NCOR2: variants seen among roughly 807,000 people sequenced by gnomAD.
NCOR2 encodes nuclear receptor corepressor 2, also known as CTG repeat protein 26.
A neutral mutation model predicts 262.9 loss-of-function variants in NCOR2; 81 were observed. The ratio of observed to expected loss-of-function variants is 0.31; its 90% CI spans 0.26 to 0.37. The LOEUF (loss-of-function observed/expected upper bound fraction) is 0.37. Ranked by LOEUF, NCOR2 falls within the 10% of genes least tolerant of loss-of-function variation. The pLI is 1.00. For synonymous variants in NCOR2, 1,659 were observed against 1,559.3 expected, an observed-to-expected ratio of 1.06 and a Z score of -1.51; for missense variants, 3,385 against 3,621.4, an observed-to-expected ratio of 0.93 and a Z score of 1.68.
chr12:124,515,679 G>A (rs2049711481), intron 1 of NCOR2, among the ~76,000 whole-genome samples: 1 of 152,074 alleles, frequency 6.6e-6, no homozygotes, highest in South Asian at 2.1e-4. Flanking sequence ...GAGTGTGAGT[G>A]TGCGAGTATG....
At chr12:124,363,732 T>G (rs763741888) in exon 21 of NCOR2, 7 of 1,405,808 alleles carry the variant, frequency 5.0e-6, no homozygotes, top group Non-Finnish European at 6.5e-6. Flanking sequence ...TCCAGTGGCT[T>G]CTGGGGTGAG....
chr12:124,516,910 G>C (rs2049836008), intron 1 of NCOR2, among the ~76,000 whole-genome samples: 1 of 152,080 alleles, frequency 6.6e-6, no homozygotes, highest in African/African-American at 2.4e-5. Context: ...ACTCCCTTAA[G>C]CCATACAGCC....
In NCOR2 at chr12:124,504,214, T is replaced by C. The variant is rs1315395154; in HGVS notation, c.-117-8846A>G. On this transcript the variant is annotated intron_variant, in intron 1 of 46. Coordinates refer to the NCOR2 transcript ENST00000404621. The surrounding 1 kb of genome is among the most constrained non-coding windows in gnomAD (Gnocchi z 4.5). ...CCTCCTCCTTGACCCCGGGTAGATG[T>C]ACAGGGTAGAGATACGTGGGCCAGG... Among the ~76,000 whole-genome samples, 1 of 152,186 alleles carries C rather than the reference T, an allele frequency of 6.6e-6. No individual in the cohort carries two copies. The highest frequency in any genetic ancestry group is 2.4e-5 in the African/African-American group (1 of 41,452).
Position 124,483,878 on chromosome 12 carries a change from T to C in NCOR2, c.234-105A>G, listed in dbSNP as rs2136803029. 2 of 1,306,592 alleles carry C rather than the reference T, an allele frequency of 1.5e-6. No homozygotes were observed. The highest frequency in any genetic ancestry group is 1.7e-5 in the South Asian group (1 of 60,418). 80.9% of individuals were successfully genotyped at this position (1,306,592 alleles called of 1,614,324 possible). On this transcript the variant is annotated intron_variant, in intron 2 of 46. Transcript: ENST00000405201. This position sits in a 1 kb window ranked among gnomAD's most constrained non-coding sequence, Gnocchi z 6.3. ...CGAGCATCTACTGCGCGCCGTGCTC[T>C]GTATGATCCTGCCAGGAAGGTGCTC...
At chr12:124,448,240 T>C (rs2045304460) in intron 7 of NCOR2, among the ~76,000 whole-genome samples, 2 of 152,234 alleles carry the variant, frequency 1.3e-5, no homozygotes, top group Non-Finnish European at 2.9e-5. Flanking sequence ...GTCCTAAGAA[T>C]GTCCCCCTTG....
In NCOR2 at chr12:124,378,051, C is replaced by T. The variant is rs2040156170; in HGVS notation, c.2167+186G>A. ...TCTCAGTATTGTTATGGCCTTCATC[C>T]TTGTGCCCATTACTGGTGAGTTTCT... On this transcript the variant is annotated intron_variant, in intron 18 of 46. Transcript: ENST00000405201. This position sits in a 1 kb window ranked among gnomAD's most constrained non-coding sequence, Gnocchi z 4.2. 6.6e-6 allele frequency among the ~76,000 whole-genome samples: 1 copy of T among 152,046 alleles called. No individual in the cohort carries two copies. The highest frequency in any genetic ancestry group is 2.4e-5 in the African/African-American group (1 of 41,396).
chr12:124,337,873 C>T (rs192545777), intron 37 of NCOR2, among the ~76,000 whole-genome samples: 96 of 152,328 alleles, frequency 6.3e-4, no homozygotes, highest in African/African-American at 2.2e-3. Context: ...ATGGGGGCAC[C>T]CCCATCTCTC....
chr12:124,333,953 CGT>C (rs59660036), intron 41 of NCOR2, among the ~76,000 whole-genome samples: 12,562 of 112,102 alleles, frequency 0.11, 1,031 homozygotes, highest in South Asian at 0.31. Context: ...TGGGTGTGCA[CGT>C]GTGTGTGTGC....
chr12:124,556,598 G>A (rs986419404), intron 1 of NCOR2, among the ~76,000 whole-genome samples: 6 of 152,184 alleles, frequency 3.9e-5, no homozygotes, highest in Non-Finnish European at 8.8e-5. Flanking sequence ...GGTGGCTCAC[G>A]CCTGTAATCC....
intron 31 of NCOR2, 138 bp downstream of exon 33, chr12:124,346,426 G>A: frequency 1.0e-6 from 1 of 968,364 alleles, no homozygotes; most frequent in Non-Finnish European, 1.4e-6. Flanking sequence ...GAGGCCCGGT[G>A]ATGAGCAGCT....
intron 20 of NCOR2, among the ~76,000 whole-genome samples, chr12:124,366,639 T>C (rs1385197985): frequency 6.6e-6 from 1 of 152,166 alleles, no homozygotes; most frequent in South Asian, 2.1e-4. Context: ...CCGGAATTGC[T>C]GAAGCTAAAG....
At chr12:124,490,616 T>TA (rs1016739777) in intron 1 of NCOR2, among the ~76,000 whole-genome samples, 22 of 150,480 alleles carry the variant, frequency 1.5e-4, no homozygotes, top group Admixed American at 1.4e-3. Flanking sequence ...GCCATGAAGC[T>TA]AATGGAGAGA....
intron 9 of NCOR2, 30 bp downstream of exon 11, chr12:124,430,585 T>G (rs752600561): frequency 2.1e-5 from 33 of 1,582,186 alleles, no homozygotes; most frequent in African/African-American, 2.7e-5. Context: ...GGCCCTGACG[T>G]CGGGGGCCCT....
rs2050747550 is a variant in NCOR2, at chr12:124,531,062, T to C, written c.-118+4503A>G. Among the ~76,000 whole-genome samples the C allele has an allele frequency of 6.6e-6, 1 of 151,926 alleles. No individual in the cohort carries two copies. Among genetic ancestry groups the C allele is most frequent in the Non-Finnish European group, 1.5e-5 (1 of 67,984 alleles). ...GTTCCTGGGCTCCACCCAACCCGCC[T>C]CTCCCAGGGAAGCAGGGACAAAAGG... On this transcript the variant is annotated intron_variant, in intron 1 of 46. Transcript: ENST00000404621. The surrounding 1 kb of genome is among the most constrained non-coding windows in gnomAD (Gnocchi z 4.5).
exon 9 of NCOR2, chr12:124,430,637 C>T: frequency 1.2e-6 from 2 of 1,613,512 alleles, no homozygotes; most frequent in Non-Finnish European, 1.7e-6. Flanking sequence ...TCCTGCAGCT[C>T]GCGCTGCTTG....
At chr12:124,449,161 C>T (rs2045369080) in intron 7 of NCOR2, among the ~76,000 whole-genome samples, 1 of 152,258 alleles carries the variant, frequency 6.6e-6, no homozygotes, top group South Asian at 2.1e-4. Flanking sequence ...ATGCCTTGTA[C>T]CCCGCTTGAA....
chr12:124,344,829 G>A (rs747081272), exon 32 of NCOR2: 15 of 1,559,800 alleles, frequency 9.6e-6, no homozygotes, highest in Middle Eastern at 1.7e-4. Flanking sequence ...CCCGGGCGTC[G>A]GCCATCACAT....
chr12:124,442,526 C>G (rs1343193535), intron 7 of NCOR2, among the ~76,000 whole-genome samples: 1 of 152,164 alleles, frequency 6.6e-6, no homozygotes, highest in Non-Finnish European at 1.5e-5. Context: ...CTCTGTGGAG[C>G]GTATTTGCAA....
chr12:124,398,971 G>C (rs1260742610), intron 15 of NCOR2, among the ~76,000 whole-genome samples: 1 of 152,232 alleles, frequency 6.6e-6, no homozygotes, highest in Non-Finnish European at 1.5e-5. Context: ...CTCTGGATGT[G>C]AGCCCTGGCC....
Sources: allele counts gnomAD v4.1 joint callset (sites outside exome capture counted in the v4.1 genomes callset), GRCh38; gene constraint gnomAD v4.1.1; non-coding constraint Gnocchi (gnomAD v3.1); transcripts MANE v1.5; gene names NCBI Gene and HGNC (gene_info 2026-07-23, HGNC 2026-07-21).